The following PTPRG variants were observed in gnomAD, a reference collection of about 807,000 sequenced individuals.
PTPRG encodes receptor-type tyrosine-protein phosphatase gamma.
PTPRG carries 102 observed loss-of-function variants against 165.3 expected under a neutral mutation model. The observed-to-expected ratio is 0.62, with a 90% CI of 0.53 to 0.73. The LOEUF (loss-of-function observed/expected upper bound fraction) is 0.73. Ranked by LOEUF, PTPRG falls within the 30% of genes least tolerant of loss-of-function variation. PTPRG has a pLI of 0.00. For synonymous variants in PTPRG, 675 were observed against 669.5 expected, an observed-to-expected ratio of 1.01 and a Z score of -0.13; for missense variants, 1,866 against 1,861.4, an observed-to-expected ratio of 1.00 and a Z score of -0.05.
In PTPRG at chr3:62,237,653, T is replaced by C. The variant is rs370864450; in HGVS notation, c.2376-6154T>C. ...TTATTTGAAAGCATGGAAGGTTATTTTTAGAAATTTCAGTCCAAGAGAAAA... is the reference window on the plus strand; with the variant it reads ...TTATTTGAAAGCATGGAAGGTTATTCTTAGAAATTTCAGTCCAAGAGAAAA... On this transcript the variant is annotated intron_variant, in intron 14 of 29. Coordinates refer to ENST00000474889, the MANE Select transcript of PTPRG (RefSeq NM_002841.4). This position sits in a 1 kb window ranked among gnomAD's most constrained non-coding sequence, Gnocchi z 4.5. 8.5e-5 allele frequency among the ~76,000 whole-genome samples: 13 copies of C among 152,354 alleles called. 2 individuals are homozygous for C. Among genetic ancestry groups the C allele is most frequent in the African/African-American group, 2.9e-4 (12 of 41,580 alleles).
intron 5 of PTPRG, among the ~76,000 whole-genome samples, chr3:62,100,447 G>A (rs894629092): frequency 2.0e-5 from 3 of 151,960 alleles, no homozygotes; most frequent in Admixed American, 1.3e-4. Context: ...CCACCCCTAC[G>A]CTGTCATTTT....
Position 61,940,933 on chromosome 3 carries a change from C to T in PTPRG, c.191-48692C>T, listed in dbSNP as rs180936871. Among the ~76,000 whole-genome samples, 515 of 151,402 alleles carry T rather than the reference C, an allele frequency of 3.4e-3. 2 individuals carry two copies. The highest frequency in any genetic ancestry group is 9.0e-3 in the South Asian group (43 of 4,786). ...CCCGCCTCGGCCTCCCAAAGTGCTG[C>T]GTTAGATGCTTCTTATATGATGGTC... is the stretch of plus-strand genomic sequence containing the variant. On this transcript the variant is annotated intron_variant, in intron 2 of 29. Transcript: ENST00000474889.
chr3:61,804,002 C>G (rs1478585107), intron 2 of PTPRG, among the ~76,000 whole-genome samples: 1 of 152,158 alleles, frequency 6.6e-6, no homozygotes, highest in Non-Finnish European at 1.5e-5. Context: ...TTAGATCAAA[C>G]AAGACCACAT....
chr3:61,881,797 C>T (rs536700326), intron 2 of PTPRG, among the ~76,000 whole-genome samples: 3 of 152,290 alleles, frequency 2.0e-5, no homozygotes, highest in Admixed American at 6.5e-5. Context: ...TGATGAGCCT[C>T]TTCAGAACCA....
chr3:61,785,336 C>T (rs147326126), intron 2 of PTPRG, among the ~76,000 whole-genome samples: 17 of 152,078 alleles, frequency 1.1e-4, no homozygotes, highest in East Asian at 9.7e-4. Flanking sequence ...AAAATTAAAC[C>T]GAAAACTGTT....
intron 2 of PTPRG, among the ~76,000 whole-genome samples, chr3:61,810,880 G>A (rs1188479572): frequency 1.3e-5 from 2 of 151,826 alleles, no homozygotes; most frequent in Non-Finnish European, 3.0e-5. Context: ...CACCATCAAG[G>A]TGACATCATA....
chr3:61,572,088 G>A (rs1700070697), intron 1 of PTPRG, among the ~76,000 whole-genome samples: 1 of 152,214 alleles, frequency 6.6e-6, no homozygotes, highest in African/African-American at 2.4e-5. Context: ...TTTGTGAGGT[G>A]CACTTGTTGA....
At chr3:62,055,952 A>G (rs1203948896) in intron 4 of PTPRG, among the ~76,000 whole-genome samples, 1 of 152,256 alleles carries the variant, frequency 6.6e-6, no homozygotes, top group African/African-American at 2.4e-5. Flanking sequence ...AAGGACTTCA[A>G]AATCTTTTGG....
intron 2 of PTPRG, among the ~76,000 whole-genome samples, chr3:61,777,244 C>T (rs923072006): frequency 5.3e-5 from 8 of 152,222 alleles, no homozygotes; most frequent in Non-Finnish European, 7.4e-5. Context: ...CTGTCTAACA[C>T]AGCAGCTACT....
At chr3:62,156,859 G>A (rs947370224) in intron 6 of PTPRG, among the ~76,000 whole-genome samples, 2 of 152,110 alleles carry the variant, frequency 1.3e-5, no homozygotes, top group Admixed American at 6.5e-5. Context: ...GAAATATACT[G>A]TGGTACTGGT....
intron 7 of PTPRG, among the ~76,000 whole-genome samples, chr3:62,162,792 T>C (rs1704817581): frequency 6.6e-6 from 1 of 152,258 alleles, no homozygotes; most frequent in Admixed American, 6.5e-5. Flanking sequence ...AGGCCTTTTA[T>C]GCCTGTGGCA....
chr3:61,642,620 G>A (rs1702097664), intron 1 of PTPRG, among the ~76,000 whole-genome samples: 1 of 151,814 alleles, frequency 6.6e-6, no homozygotes. Context: ...ATTGACTCAA[G>A]TTTGTCTATC....
chr3:62,162,057 T>G (rs993678635), intron 7 of PTPRG, among the ~76,000 whole-genome samples: 22 of 152,344 alleles, frequency 1.4e-4, no homozygotes, highest in African/African-American at 4.8e-4. Context: ...CTCATAATTA[T>G]ATTACTTTTG....
chr3:61,642,198 G>C (rs1274882867), intron 1 of PTPRG, among the ~76,000 whole-genome samples: 2 of 152,062 alleles, frequency 1.3e-5, no homozygotes, highest in Non-Finnish European at 2.9e-5. Context: ...CACTAGCCAC[G>C]GGCCCTGACC....
At chr3:62,127,507 G>T (rs1425104295) in intron 5 of PTPRG, among the ~76,000 whole-genome samples, 1 of 152,194 alleles carries the variant, frequency 6.6e-6, no homozygotes, top group Admixed American at 6.5e-5. Flanking sequence ...TGGAGTCTCT[G>T]GTCCTGCCCT....
intron 4 of PTPRG, among the ~76,000 whole-genome samples, chr3:62,034,925 C>G (rs1699894317): frequency 6.6e-6 from 1 of 152,138 alleles, no homozygotes; most frequent in South Asian, 2.1e-4. Flanking sequence ...ATGTGGCCAT[C>G]CCTGTCCGTG....
At chr3:61,633,024 CA>C (rs539998408) in intron 1 of PTPRG, among the ~76,000 whole-genome samples, 21 of 152,328 alleles carry the variant, frequency 1.4e-4, no homozygotes, top group African/African-American at 4.8e-4. Flanking sequence ...GAGTCATCCC[CA>C]CCATCCTTCT....
chr3:61,927,317 A>G (rs1201968299), intron 2 of PTPRG, among the ~76,000 whole-genome samples: 1 of 152,220 alleles, frequency 6.6e-6, no homozygotes, highest in African/African-American at 2.4e-5. Flanking sequence ...GTCTTGGACA[A>G]CAGCTCTGTG....
intron 1 of PTPRG, among the ~76,000 whole-genome samples, chr3:61,611,798 A>C (rs971439239): frequency 3.9e-5 from 6 of 152,250 alleles, no homozygotes; most frequent in African/African-American, 1.4e-4. Flanking sequence ...ATAGACTCTG[A>C]AGTTGAATTT....
Sources: allele counts gnomAD v4.1 joint callset (sites outside exome capture counted in the v4.1 genomes callset), GRCh38; gene constraint gnomAD v4.1.1; non-coding constraint Gnocchi (gnomAD v3.1); transcripts MANE v1.5; gene names NCBI Gene and HGNC (gene_info 2026-07-23, HGNC 2026-07-21).